Variants in DENND2A observed in about 807,000 individuals in gnomAD.
DENND2A encodes the protein DENN domain containing 2A.
A neutral mutation model predicts 105.3 loss-of-function variants in DENND2A; 53 were observed. That is an observed-to-expected ratio of 0.50 (90% CI 0.40 to 0.63). The LOEUF (loss-of-function observed/expected upper bound fraction) is 0.63. Ranked by LOEUF, DENND2A falls within the 30% of genes least tolerant of loss-of-function variation. The pLI is 0.00. For missense variants in DENND2A, 1,138 were observed against 1,279.6 expected (o/e 0.89, Z 1.69); for synonymous variants, 522 against 508.4 (o/e 1.03, Z -0.36).
chr7:140,594,719 G>C lies in DENND2A; in HGVS notation c.995+6684C>G, dbSNP rs555774057. 7.9e-5 allele frequency among the ~76,000 whole-genome samples: 12 copies of C among 152,266 alleles called. No individual in the cohort carries two copies. The South Asian group carries it at 2.5e-3, about 32-fold the overall frequency. Reference sequence around the variant, plus strand: ...ATATTTGTTGGTTGAATAAGTGAATGAGTATTTTATTTTATTATTTATTTA... The same window carrying C: ...ATATTTGTTGGTTGAATAAGTGAATCAGTATTTTATTTTATTATTTATTTA... On this transcript the variant is annotated intron_variant, in intron 3 of 19. Coordinates refer to ENST00000496613, the MANE Select transcript of DENND2A (RefSeq NM_015689.5).
At chr7:140,565,237 G>T (rs1052284297) in intron 9 of DENND2A, among the ~76,000 whole-genome samples, 2 of 152,012 alleles carry the variant, frequency 1.3e-5, no homozygotes, top group African/African-American at 4.8e-5. Context: ...CCCTGAGTGG[G>T]CAAGGACAGA....
intron 14 of DENND2A, among the ~76,000 whole-genome samples, chr7:140,542,813 G>A (rs1796725945): frequency 6.6e-6 from 1 of 151,998 alleles, no homozygotes; most frequent in African/African-American, 2.4e-5. Context: ...TGATCCACCT[G>A]CCTCGGCCTC....
At chr7:140,586,365 A>G (rs1798779993) in intron 4 of DENND2A, among the ~76,000 whole-genome samples, 1 of 118,634 alleles carries the variant, frequency 8.4e-6, no homozygotes. Context: ...CTAAAAAAGA[A>G]AACACACACA....
intron 1 of DENND2A, among the ~76,000 whole-genome samples, chr7:140,625,214 T>TA (rs1800474426): frequency 1.3e-5 from 2 of 151,194 alleles, no homozygotes; most frequent in Admixed American, 1.3e-4. Context: ...CTGTCTCTAC[T>TA]AAAAACACAA....
In DENND2A at chr7:140,581,042, C is replaced by T. The variant is rs1359110308; in HGVS notation, c.1245+4547G>A. ...CTTTGGGAGGCTGAGGTGGGTGGAT[C>T]ACTTGAGGTCAGGAGTTCGAAACCA... On this transcript the variant is annotated intron_variant, in intron 5 of 19. Coordinates refer to ENST00000496613, the MANE Select transcript of DENND2A (RefSeq NM_015689.5). Among the ~76,000 whole-genome samples the T allele has an allele frequency of 6.6e-5, 10 of 151,940 alleles. No homozygotes were observed. The East Asian group carries it at 9.8e-4, about 15-fold the overall frequency.
intron 6 of DENND2A, among the ~76,000 whole-genome samples, chr7:140,573,497 TTC>T (rs1798177360): frequency 6.6e-6 from 1 of 151,846 alleles, no homozygotes; most frequent in Non-Finnish European, 1.5e-5. Flanking sequence ...ATGGATGGAG[TTC>T]TGTTTTTTGT....
chr7:140,559,894 G>A lies in DENND2A; in HGVS notation c.1780-77C>T. On this transcript the variant is annotated intron_variant, in intron 9 of 19. Coordinates refer to ENST00000496613, the MANE Select transcript of DENND2A (RefSeq NM_015689.5). This position sits in a 1 kb window ranked among gnomAD's most constrained non-coding sequence, Gnocchi z 4.1. Reference sequence around the variant, plus strand: ...ATTGAGGCGGATGATGGTAAGGATGGCCTCTCCCACCTTTCCACATTTGTG... The same window carrying A: ...ATTGAGGCGGATGATGGTAAGGATGACCTCTCCCACCTTTCCACATTTGTG... 1 of 1,079,892 alleles carries A rather than the reference G, an allele frequency of 9.3e-7. No individual in the cohort carries two copies. 66.9% of individuals were successfully genotyped at this position (1,079,892 alleles called of 1,614,324 possible). A position where few individuals can be genotyped will look rare whatever the true frequency, so the allele number is the denominator to read the frequency against.
chr7:140,615,302 G>A (rs1162422114), intron 1 of DENND2A, among the ~76,000 whole-genome samples: 1 of 152,192 alleles, frequency 6.6e-6, no homozygotes, highest in Admixed American at 6.5e-5. Flanking sequence ...AATCTGAAAC[G>A]GATGAGGAAT....
At chr7:140,627,295 T>C (rs753149234) in intron 1 of DENND2A, among the ~76,000 whole-genome samples, 18 of 152,036 alleles carry the variant, frequency 1.2e-4, no homozygotes, top group Non-Finnish European at 2.9e-5. Flanking sequence ...CACTGCAACC[T>C]CCACCTCCAG....
At chr7:140,631,563 T>C (rs925703383) in intron 1 of DENND2A, among the ~76,000 whole-genome samples, 1 of 152,176 alleles carries the variant, frequency 6.6e-6, no homozygotes, top group African/African-American at 2.4e-5. Flanking sequence ...CTCTGACATT[T>C]TTCCACCCTA....
In DENND2A at chr7:140,523,848, C is replaced by A. The variant is rs574182696; in HGVS notation, c.2548-424G>T. On this transcript the variant is annotated intron_variant, in intron 16 of 19. Transcript: ENST00000496613. This position sits in a 1 kb window ranked among gnomAD's most constrained non-coding sequence, Gnocchi z 4.5. ...TTGGTCTCCCAAAGTGCTGGGATTA[C>A]AGGCGTGAGCCACTGCACCTGGCCG... is the stretch of plus-strand genomic sequence containing the variant. Among the ~76,000 whole-genome samples, 2 of 152,346 alleles carry A rather than the reference C, an allele frequency of 1.3e-5. No homozygotes were observed. Among genetic ancestry groups the A allele is most frequent in the African/African-American group, 4.8e-5 (2 of 41,574 alleles).
intron 6 of DENND2A, 128 bp from the exon 7 acceptor site, chr7:140,569,866 A>T: frequency 1.5e-6 from 1 of 671,894 alleles, no homozygotes; most frequent in Non-Finnish European, 2.7e-6. Context: ...GAAACTTCCC[A>T]TGGGCTCATG....
At chr7:140,524,536 A>G (rs1396257136) in intron 16 of DENND2A, among the ~76,000 whole-genome samples, 1 of 151,666 alleles carries the variant, frequency 6.6e-6, no homozygotes, top group East Asian at 1.9e-4. Context: ...GCGCGCACAC[A>G]CGCACACACG....
chr7:140,609,444 C>T (rs914334286), intron 1 of DENND2A, among the ~76,000 whole-genome samples: 7 of 152,054 alleles, frequency 4.6e-5, no homozygotes, highest in African/African-American at 1.2e-4. Context: ...ACCCAGGAGG[C>T]GGAAGTTGCA....
chr7:140,557,531 ATTTTTTTTTTT>A (rs1156756617), intron 11 of DENND2A, among the ~76,000 whole-genome samples: 15 of 39,650 alleles, frequency 3.8e-4, no homozygotes, highest in African/African-American at 1.0e-3. Context: ...ATATATATAT[ATTTTTTTTTTT>A]TTTTTTTTTT....
chr7:140,602,376 T>C lies in DENND2A; in HGVS notation c.22A>G (p.Met8Val), dbSNP rs757501399. The C allele has an allele frequency of 6.3e-6, 10 of 1,583,218 alleles. No homozygotes were observed. Among genetic ancestry groups the C allele is most frequent in the Non-Finnish European group, 1.7e-6 (2 of 1,168,502 alleles). MDMFSLD[M>V]IISDPAAEAS... ...TCTGCAGCTGGGTCACTGATGATCA[T>C]ATCCAAGCTGAACATATCCATTCTT... is the stretch of plus-strand genomic sequence containing the variant. The change falls in exon 3 of 20, where the codon ATG becomes GTG. Residue 8 changes from methionine to valine, a missense_variant. Met to Val is a conservative substitution (Grantham distance 21). Coordinates refer to ENST00000496613, the MANE Select transcript of DENND2A (RefSeq NM_015689.5).
intron 1 of DENND2A, among the ~76,000 whole-genome samples, chr7:140,626,791 C>T (rs1321997789): frequency 1.3e-5 from 2 of 152,220 alleles, no homozygotes; most frequent in East Asian, 3.8e-4. Flanking sequence ...CATCTTCCAT[C>T]CCCTTGCTTG....
rs575786355 is a variant in DENND2A, at chr7:140,571,141, C to T, written c.1447-1403G>A. Among the ~76,000 whole-genome samples the T allele has an allele frequency of 5.9e-5, 9 of 152,228 alleles. No individual in the cohort carries two copies. The East Asian group carries it at 1.7e-3, about 29-fold the overall frequency. On this transcript the variant is annotated intron_variant, in intron 6 of 19. Coordinates refer to ENST00000496613, the MANE Select transcript of DENND2A (RefSeq NM_015689.5). ...AAAAATATAGGATGGTAATCAATTT[C>T]CATGTTCTATAAATATTTTATTTAT...
intron 5 of DENND2A, among the ~76,000 whole-genome samples, chr7:140,583,695 C>T (rs1399238810): frequency 6.7e-6 from 1 of 150,236 alleles, no homozygotes; most frequent in Non-Finnish European, 1.5e-5. Context: ...TTTGGGAGGC[C>T]AAGGCGGGCA....
Sources: allele counts gnomAD v4.1 joint callset (sites outside exome capture counted in the v4.1 genomes callset), GRCh38; gene constraint gnomAD v4.1.1; non-coding constraint Gnocchi (gnomAD v3.1); transcripts MANE v1.5; gene names NCBI Gene and HGNC (gene_info 2026-07-23, HGNC 2026-07-21).